LINGO2: variants seen among roughly 807,000 people sequenced by gnomAD.
LINGO2 encodes the protein leucine rich repeat and Ig domain containing 2.
In LINGO2, 14 loss-of-function variants were observed where a neutral mutation model predicts 30.6. That is an observed-to-expected ratio of 0.46 (90% CI 0.30 to 0.72). LINGO2 has a LOEUF of 0.72. Ranked by LOEUF, LINGO2 falls within the 30% of genes least tolerant of loss-of-function variation. The pLI is 0.07. For missense variants in LINGO2, 729 were observed against 751.7 expected (o/e 0.97, Z 0.35); for synonymous variants, 317 against 288.5 (o/e 1.10, Z -1.00).
At chr9:28,512,581 ATATATATGTGTG>A (rs1191073141) in intron 1 of LINGO2, among the ~76,000 whole-genome samples, 2,459 of 7,946 alleles carry the variant, frequency 0.31, 86 homozygotes, top group East Asian at 0.45. Context: ...AACTAACAGG[ATATATATGTGTG>A]TATATATATA....
intron 4 of LINGO2, among the ~76,000 whole-genome samples, chr9:28,185,707 C>A (rs567829527): frequency 1.3e-5 from 2 of 152,044 alleles, no homozygotes; most frequent in South Asian, 4.1e-4. Context: ...TTCTTGGGCA[C>A]ATCTGAAATT....
chr9:28,379,872 G>T (rs2134622015), intron 2 of LINGO2, among the ~76,000 whole-genome samples: 1 of 152,084 alleles, frequency 6.6e-6, no homozygotes, highest in South Asian at 2.1e-4. Context: ...TTCAAGTGGG[G>T]GCATGCAAGG....
intron 5 of LINGO2, among the ~76,000 whole-genome samples, chr9:27,955,619 T>C (rs1819525066): frequency 6.6e-6 from 1 of 152,168 alleles, no homozygotes; most frequent in African/African-American, 2.4e-5. Context: ...ATTCATGTTG[T>C]TGCATGTAAC....
chr9:28,497,747 A>C (rs1341416427), intron 1 of LINGO2, among the ~76,000 whole-genome samples: 3 of 151,904 alleles, frequency 2.0e-5, no homozygotes, highest in South Asian at 2.1e-4. Context: ...GATTTTTAGA[A>C]TTTTCAGCTT....
At chr9:28,034,886 T>A (rs1042697795) in intron 4 of LINGO2, among the ~76,000 whole-genome samples, 8 of 152,220 alleles carry the variant, frequency 5.3e-5, no homozygotes, top group Non-Finnish European at 1.0e-4. Flanking sequence ...TTCAGGTAGA[T>A]CAGTTAGCAA....
Position 28,196,625 on chromosome 9 carries a change from A to AT in LINGO2, c.-87+98582dup, listed in dbSNP as rs1338732138. Among the ~76,000 whole-genome samples the AT allele has an allele frequency of 5.3e-5, 8 of 152,110 alleles. No homozygotes were observed. In the East Asian group the frequency reaches 9.6e-4, roughly 18 times the overall value. Reference sequence around the variant, plus strand: ...GTCCTTACAAATGCAAAATTGTGCCATTTTTTAGATAGGAAGATTCAAGAT... The same window carrying AT: ...GTCCTTACAAATGCAAAATTGTGCCATTTTTTTAGATAGGAAGATTCAAGAT... On this transcript the variant is annotated intron_variant, in intron 4 of 5. Coordinates refer to ENST00000379992, the Ensembl canonical transcript of LINGO2.
chr9:28,887,814 T>C, the LINGO2 span, among the ~76,000 whole-genome samples: 2 of 152,176 alleles, frequency 1.3e-5, no homozygotes, highest in Non-Finnish European at 1.5e-5. Flanking sequence ...ATCGATTTAA[T>C]ATTTTTCCAT....
chr9:28,709,376 A>G, the LINGO2 span, among the ~76,000 whole-genome samples: 1 of 152,072 alleles, frequency 6.6e-6, no homozygotes, highest in Non-Finnish European at 1.5e-5. Flanking sequence ...ATCCAATCCA[A>G]TGTTAAATGA....
At chr9:28,523,602 T>A (rs1820905350) in intron 1 of LINGO2, among the ~76,000 whole-genome samples, 1 of 152,032 alleles carries the variant, frequency 6.6e-6, no homozygotes, top group Non-Finnish European at 1.5e-5. Context: ...GGACACAAGA[T>A]CAACACACAA....
intron 1 of LINGO2, among the ~76,000 whole-genome samples, chr9:28,630,325 T>C (rs1403843715): frequency 4.6e-5 from 7 of 152,134 alleles, no homozygotes; most frequent in Non-Finnish European, 5.9e-5. Flanking sequence ...ATGTTGTAAC[T>C]ATATTCTAAT....
the LINGO2 span, among the ~76,000 whole-genome samples, chr9:28,714,283 A>G: frequency 6.6e-6 from 1 of 151,382 alleles, no homozygotes; most frequent in East Asian, 1.9e-4. Context: ...ACATCTCAAC[A>G]CTTCCATGCA....
the LINGO2 span, among the ~76,000 whole-genome samples, chr9:28,735,037 T>C: frequency 1.3e-5 from 2 of 152,208 alleles, 1 homozygote; most frequent in South Asian, 4.1e-4. Context: ...ATAGGCTGGT[T>C]ACAGTTTTTT....
chr9:29,081,799 G>T, the LINGO2 span, among the ~76,000 whole-genome samples: 2 of 151,892 alleles, frequency 1.3e-5, no homozygotes, highest in Non-Finnish European at 2.9e-5. Context: ...CAGACAGAGA[G>T]CCAAATCATG....
At chr9:28,461,586 G>T (rs1390157375) in intron 2 of LINGO2, among the ~76,000 whole-genome samples, 1 of 152,140 alleles carries the variant, frequency 6.6e-6, no homozygotes, top group African/African-American at 2.4e-5. Context: ...ATTGAGAATT[G>T]ATGTCCTGAA....
chr9:28,126,707 C>T (rs965263776), intron 4 of LINGO2, among the ~76,000 whole-genome samples: 1 of 152,194 alleles, frequency 6.6e-6, no homozygotes, highest in African/African-American at 2.4e-5. Context: ...AAGCCAGAGA[C>T]ACAACAAATA....
the LINGO2 span, among the ~76,000 whole-genome samples, chr9:29,098,591 G>A: frequency 0.041 from 6,270 of 152,100 alleles, 196 homozygotes; most frequent in Admixed American, 0.08. Context: ...ACTGGAGAAC[G>A]TACTAGAAGG....
At chr9:28,902,991 C>T in the LINGO2 span, among the ~76,000 whole-genome samples, 109 of 149,212 alleles carry the variant, frequency 7.3e-4, no homozygotes, top group Non-Finnish European at 1.2e-4. Flanking sequence ...CAAACTAAAC[C>T]TAAAGTTAGT....
chr9:28,243,709 AAAGAAG>A (rs752966902), intron 4 of LINGO2, among the ~76,000 whole-genome samples: 2 of 152,032 alleles, frequency 1.3e-5, no homozygotes, highest in Admixed American at 6.6e-5. Context: ...AAAAAGATTA[AAAGAAG>A]AAGAAGAAGA....
At chr9:28,801,140 G>T in the LINGO2 span, among the ~76,000 whole-genome samples, 6,281 of 152,128 alleles carry the variant, frequency 0.041, 190 homozygotes, top group Admixed American at 0.081. Context: ...TACAGTTAAT[G>T]ACCATGCAAG....
Sources: allele counts gnomAD v4.1 joint callset (sites outside exome capture counted in the v4.1 genomes callset), GRCh38; gene constraint gnomAD v4.1.1; transcripts MANE v1.5; gene names NCBI Gene and HGNC (gene_info 2026-07-23, HGNC 2026-07-21).